TENT2: variants seen among roughly 807,000 people sequenced by gnomAD.
TENT2 encodes the protein poly(A) RNA polymerase GLD2.
Under a neutral mutation model 72.2 loss-of-function variants are expected in TENT2, and 44 were observed. The observed-to-expected ratio is 0.61, with a 90% CI of 0.48 to 0.78. The LOEUF is 0.78. Among genes scored for constraint, TENT2 ranks in the 30% least tolerant of loss-of-function variants. The pLI, the probability that TENT2 is intolerant of heterozygous loss-of-function variation, is 0.00. For synonymous variants in TENT2, 212 were observed against 192.5 expected (o/e 1.10, Z -0.84); for missense variants, 541 against 569.6 (o/e 0.95, Z 0.51).
chr5:79,662,901 T>G (rs778792788), intron 11 of TENT2, among the ~76,000 whole-genome samples: 5 of 152,182 alleles, frequency 3.3e-5, no homozygotes, highest in African/African-American at 4.8e-5. Flanking sequence ...CTAGATAGCA[T>G]CTTCGAATAG....
Position 79,687,314 on chromosome 5 carries a change from T to C in TENT2, c.*2041T>C, listed in dbSNP as rs917571592. Among the ~76,000 whole-genome samples the C allele has an allele frequency of 6.6e-6, 1 of 152,218 alleles. No individual in the cohort carries two copies. The highest frequency in any genetic ancestry group is 2.4e-5 in the African/African-American group (1 of 41,472). ...AAGTTATTAATCTCAATTATTTGTGTGGTGAGTACTAAATTATTTTCTGTT... is the reference window on the plus strand; with the variant it reads ...AAGTTATTAATCTCAATTATTTGTGCGGTGAGTACTAAATTATTTTCTGTT... On this transcript the variant is annotated 3_prime_UTR_variant, in exon 15 of 15. Transcript: ENST00000453514.
At chr5:79,613,237 C>A (rs1485569928) in intron 1 of TENT2, among the ~76,000 whole-genome samples, 162 bp downstream of exon 1, 1 of 152,188 alleles carries the variant, frequency 6.6e-6, no homozygotes, top group African/African-American at 2.4e-5. Flanking sequence ...AAAAGCTCTT[C>A]GTCTCTCAAG....
chr5:79,658,154 C>T (rs1799258663), intron 11 of TENT2, among the ~76,000 whole-genome samples: 1 of 152,142 alleles, frequency 6.6e-6, no homozygotes, highest in African/African-American at 2.4e-5. Context: ...GACTGTATAA[C>T]AAGAGCCTTT....
chr5:79,657,664 T>C (rs1798880613), intron 11 of TENT2, among the ~76,000 whole-genome samples: 1 of 152,190 alleles, frequency 6.6e-6, no homozygotes, highest in Admixed American at 6.5e-5. Context: ...TCAGTTTTCA[T>C]GTATTCTTTC....
At chr5:79,626,407 G>A (rs776307017) in intron 4 of TENT2, among the ~76,000 whole-genome samples, 33 of 149,684 alleles carry the variant, frequency 2.2e-4, no homozygotes, top group Non-Finnish European at 2.4e-4. Flanking sequence ...TCCTGTGTTC[G>A]CGCTATTCTC....
rs1784243042 is a variant in TENT2 at position 79,641,299 on chromosome 5, C to T, written c.672+103C>T. ...GAAAAAACTTGCTTTGTTGTGATTACTTCTTTGAATTTTGTTTACCATAAT... is the reference window on the plus strand; with the variant it reads ...GAAAAAACTTGCTTTGTTGTGATTATTTCTTTGAATTTTGTTTACCATAAT... On this transcript the variant is annotated intron_variant, in intron 6 of 14. Coordinates refer to ENST00000453514, the MANE Select transcript of TENT2 (RefSeq NM_001114394.3). 8.3e-6 allele frequency: 8 copies of T among 967,160 alleles called. 1 individual carries two copies. The Middle Eastern group carries it at 1.9e-3, about 231-fold the overall frequency. The allele number at this position is 967,160 out of a possible 1,614,324, so 59.9% of individuals were successfully genotyped here.
At position 79,641,160 on chromosome 5, in the gene TENT2, T is replaced by G; in HGVS notation, c.636T>G (p.Ser212Arg). 1.9e-6 allele frequency: 3 copies of G among 1,579,934 alleles called. No homozygotes were observed. Among genetic ancestry groups the G allele is most frequent in the Non-Finnish European group, 2.6e-6 (3 of 1,170,416 alleles). The change falls in exon 6 of 15, where the codon AGT becomes AGG. Residue 212 changes from serine to arginine, a missense_variant. Ser to Arg is a moderately radical substitution (Grantham distance 110). Coordinates refer to ENST00000453514, the MANE Select transcript of TENT2 (RefSeq NM_001114394.3). ...TAAATGGATTTGGTACCCGGAGCAG[T>G]GATGGTGATTTATGCCTAGTTGTTA... ...SSLNGFGTRS[S>R]DGDLCLVVKE...
At chr5:79,682,093 A>G in intron 14 of TENT2, 32 bp downstream of exon 14, 4 of 1,501,436 alleles carry the variant, frequency 2.7e-6, no homozygotes, top group South Asian at 1.2e-5. Flanking sequence ...CCCTAGAAAC[A>G]TTAGTAGACT....
chr5:79,624,073 C>T (rs1037736194), intron 4 of TENT2, among the ~76,000 whole-genome samples: 8 of 152,164 alleles, frequency 5.3e-5, no homozygotes, highest in Non-Finnish European at 1.0e-4. Flanking sequence ...AAACATATCT[C>T]TCCTCTCCCC....
At chr5:79,656,803 CTT>C (rs1372098310) in intron 10 of TENT2, 153 bp from the exon 11 acceptor site, 11 of 520,068 alleles carry the variant, frequency 2.1e-5, no homozygotes, top group African/African-American at 1.8e-4. Context: ...TAAATACAAA[CTT>C]AGGGATAAGA....
chr5:79,661,246 A>G (rs769001551), intron 11 of TENT2, among the ~76,000 whole-genome samples: 2 of 152,186 alleles, frequency 1.3e-5, no homozygotes, highest in Non-Finnish European at 2.9e-5. Context: ...GTAATGTTCT[A>G]GGCCTTCACA....
At chr5:79,617,635 C>T (rs1465258902) in intron 1 of TENT2, 2 of 152,162 alleles carry the variant, frequency 1.3e-5, no homozygotes, top group South Asian at 2.1e-4. Flanking sequence ...ATCAGATCTC[C>T]CTTTTTCTAG....
intron 8 of TENT2, among the ~76,000 whole-genome samples, chr5:79,646,851 C>G (rs2150090519): frequency 6.6e-6 from 1 of 151,622 alleles, no homozygotes; most frequent in Admixed American, 6.6e-5. Flanking sequence ...TCACTGTAAC[C>G]TCAAATGCCT....
At chr5:79,648,726 C>A (rs1452271565) in intron 9 of TENT2, 33 bp downstream of exon 9, 1 of 1,458,356 alleles carries the variant, frequency 6.9e-7, no homozygotes, top group Non-Finnish European at 9.4e-7. Flanking sequence ...AAAAATTAGC[C>A]TTTTTTTCTT....
At chr5:79,647,269 G>A (rs7737942) in intron 8 of TENT2, among the ~76,000 whole-genome samples, 1 of 152,044 alleles carries the variant, frequency 6.6e-6, no homozygotes, top group East Asian at 1.9e-4. Context: ...GTGCATAAAT[G>A]CTTTCCATAT....
intron 10 of TENT2, among the ~76,000 whole-genome samples, chr5:79,655,437 A>G (rs1797214959): frequency 6.6e-6 from 1 of 152,044 alleles, no homozygotes; most frequent in Non-Finnish European, 1.5e-5. Context: ...AATTCTCTAT[A>G]ATCTTCTCTT....
intron 4 of TENT2, among the ~76,000 whole-genome samples, chr5:79,633,997 C>CAAAAAAAAAAAA (rs562252526): frequency 1.4e-5 from 1 of 70,488 alleles, no homozygotes. Context: ...ACTAAAAATA[C>CAAAAAAAAAAAA]AAAAAAAAAA....
rs146303108 is a variant in TENT2, at chr5:79,660,746, A to G, written c.1071+3745A>G. On this transcript the variant is annotated intron_variant, in intron 11 of 14. Coordinates refer to ENST00000453514, the MANE Select transcript of TENT2 (RefSeq NM_001114394.3). The stretch of plus-strand genomic sequence containing the variant: ...ACTATACTTTTTATCATTATTTGTG[A>G]GTGTACTCTTTATGCTTATTTAAAA... Among the ~76,000 whole-genome samples, 654 of 152,248 alleles carry G rather than the reference A, an allele frequency of 4.3e-3. 6 individuals carry two copies. Among genetic ancestry groups the G allele is most frequent in the African/African-American group, 0.014 (580 of 41,550 alleles).
At chr5:79,621,574 C>T (rs1384166972) in intron 3 of TENT2, among the ~76,000 whole-genome samples, 2 of 151,752 alleles carry the variant, frequency 1.3e-5, no homozygotes, top group South Asian at 2.1e-4. Context: ...CTGGCTAACA[C>T]AGTGAAACCC....
Sources: allele counts gnomAD v4.1 joint callset (sites outside exome capture counted in the v4.1 genomes callset), GRCh38; gene constraint gnomAD v4.1.1; transcripts MANE v1.5; gene names NCBI Gene and HGNC (gene_info 2026-07-23, HGNC 2026-07-21).